The following PHF3 variants were observed in gnomAD, a reference collection of about 807,000 sequenced individuals.
The protein encoded by PHF3 is PHD finger protein 3.
A neutral mutation model predicts 178.4 loss-of-function variants in PHF3; 41 were observed. The ratio of observed to expected loss-of-function variants is 0.23; its 90% CI spans 0.18 to 0.30. The LOEUF is 0.30. PHF3 is among the 10% of genes least tolerant of loss of function. The probability of loss-of-function intolerance (pLI) is 1.00; values close to 1 mark genes in which losing one functional copy is unlikely to be tolerated. For synonymous variants in PHF3, 842 were observed against 800.5 expected, an observed-to-expected ratio of 1.05 and a Z score of -0.88; for missense variants, 2,346 against 2,398.1, an observed-to-expected ratio of 0.98 and a Z score of 0.45.
chr6:63,674,329 A>ACACGTGTGTG (rs1766072610), intron 2 of PHF3, among the ~76,000 whole-genome samples: 1 of 24,516 alleles, frequency 4.1e-5, no homozygotes, highest in South Asian at 1.1e-3. Flanking sequence ...TATGGTGTAT[A>ACACGTGTGTG]TATATACCAT....
rs769722630 is a variant in PHF3, at chr6:63,685,949, A to G, written c.2189+38A>G. On this transcript the variant is annotated intron_variant, in intron 4 of 15. Transcript: ENST00000262043. ...GTGTGTATGAGTGATGTGTACATTG[A>G]AAATAAATTGCTTTTTTGGGGGTGG... 17 of 1,457,984 alleles carry G rather than the reference A, an allele frequency of 1.2e-5. No individual in the cohort carries two copies. In the East Asian group the frequency reaches 3.9e-4, roughly 33 times the overall value. 90.3% of individuals were successfully genotyped at this position (1,457,984 alleles called of 1,614,324 possible).
rs767891329 is a variant in PHF3, at chr6:63,698,572, T to C, written c.2949T>C (p.Ser983=). The C allele has an allele frequency of 6.3e-7, 1 of 1,576,556 alleles. No homozygotes were observed. The change falls in exon 8 of 16, where the codon AGT becomes AGC. Residue 983 remains serine (S), a synonymous_variant. Coordinates refer to ENST00000262043, the MANE Select transcript of PHF3 (RefSeq NM_001370348.2). Reference sequence around the variant, plus strand: ...CTAAATATAAGAACAAATATAGAAGTTTGATGTTTAATTTGAAAGATCCTA... The same window carrying C: ...CTAAATATAAGAACAAATATAGAAGCTTGATGTTTAATTTGAAAGATCCTA... ...TDAKYKNKYR[S]LMFNLKDPKN... is the part of the protein sequence containing the mutation.
chr6:63,683,338 A>G lies in PHF3; in HGVS notation c.407-791A>G, dbSNP rs531242813. ...GAATTATTTAGCTCTCTTTCTTTTT[A>G]GCTCTTTTCATTTTGTGTTTCTCCT... On this transcript the variant is annotated intron_variant, in intron 3 of 15. Coordinates refer to ENST00000262043, the MANE Select transcript of PHF3 (RefSeq NM_001370348.2). 3.3e-5 allele frequency among the ~76,000 whole-genome samples: 5 copies of G among 152,070 alleles called. No homozygotes were observed. The South Asian group carries it at 1.0e-3, about 32-fold the overall frequency.
intron 2 of PHF3, chr6:63,678,696 C>T: frequency 6.8e-6 from 2 of 294,190 alleles, no homozygotes; most frequent in Non-Finnish European, 1.3e-5. Flanking sequence ...CCATTCTTTC[C>T]TCTCTTTAAA....
chr6:63,718,371 G>A lies in PHF3; in HGVS notation c.*4663G>A, dbSNP rs1393910810. 6.6e-6 allele frequency among the ~76,000 whole-genome samples: 1 copy of A among 151,952 alleles called. No homozygotes were observed. Among genetic ancestry groups the A allele is most frequent in the African/African-American group, 2.4e-5 (1 of 41,414 alleles). On this transcript the variant is annotated 3_prime_UTR_variant, in exon 16 of 16. Coordinates refer to ENST00000262043, the MANE Select transcript of PHF3 (RefSeq NM_001370348.2). ...CCTTACACTCTTAAAAATTGAGAAT[G>A]TCAAAGCTTTTGTTTATATGGCTTA... is the stretch of plus-strand genomic sequence containing the variant.
Position 63,691,863 on chromosome 6 carries a change from A to C in PHF3, c.2316A>C (p.Glu772Asp). Residue 772 changes from glutamate (E) to aspartate (D), a missense_variant, in exon 5 of 16, where the codon GAA (glutamate) becomes GAC (aspartate). Glu to Asp is a conservative substitution (Grantham distance 45, BLOSUM62 2). Around this residue, in one of 8 missense-constraint regions of PHF3, gnomAD observed 72 missense variants for 110.5 expected, o/e 0.65. Transcript: ENST00000262043. ...KEYVCVKCCAEEDKKTEILDP... is the reference protein window; with the variant it reads ...KEYVCVKCCADEDKKTEILDP... ...ATGTCTGTGTAAAATGTTGTGCTGAAGAAGACAAAAAGACTGAAATACTAG... is the reference window on the plus strand; with the variant it reads ...ATGTCTGTGTAAAATGTTGTGCTGACGAAGACAAAAAGACTGAAATACTAG... 3 of 1,613,856 alleles carry C rather than the reference A, an allele frequency of 1.9e-6. No homozygotes were observed. Among genetic ancestry groups the C allele is most frequent in the Non-Finnish European group, 2.5e-6 (3 of 1,179,926 alleles).
intron 5 of PHF3, 104 bp downstream of exon 5, chr6:63,692,147 AC>A (rs1767035711): frequency 1.2e-6 from 1 of 857,038 alleles, no homozygotes; most frequent in Non-Finnish European, 1.7e-6. Flanking sequence ...ATGTTCTTTT[AC>A]ATTTTCAAAT....
Position 63,646,705 on chromosome 6 carries a change from A to G in PHF3, c.154A>G (p.Lys52Glu). The change falls in exon 2 of 16, where the codon AAG becomes GAG. Residue 52 changes from lysine (K) to glutamate (E), a missense_variant. Physicochemically the swap from Lys to Glu is moderately conservative, Grantham distance 56 (BLOSUM62 1). Around this residue, in one of 8 missense-constraint regions of PHF3, gnomAD observed 843 missense variants for 795.2 expected, o/e 1.06. Coordinates refer to ENST00000262043, the MANE Select transcript of PHF3 (RefSeq NM_001370348.2). ...CTCGCTGAAGAACATGCTCAGCGAT[A>G]AGGATCCTATGCTAGGATCTGCAAG... ...EDSLKNMLSD[K>E]DPMLGSASNQ... The G allele has an allele frequency of 6.2e-7, 1 of 1,613,338 alleles. No individual in the cohort carries two copies. The highest frequency in any genetic ancestry group is 1.1e-5 in the South Asian group (1 of 91,048).
At position 63,720,769 on chromosome 6, in the gene PHF3, C is replaced by T. The variant is rs1212005652; in HGVS notation, c.*7061C>T. 2 of 1,550,636 alleles carry T rather than the reference C, an allele frequency of 1.3e-6. No individual in the cohort carries two copies. The highest frequency in any genetic ancestry group is 2.7e-5 in the African/African-American group (2 of 72,976). Reference sequence around the variant, plus strand: ...ACCTTTCTACCATATTCAAAGCCCCCTAGATAACAAATGCCATCATAGTTT... The same window carrying T: ...ACCTTTCTACCATATTCAAAGCCCCTTAGATAACAAATGCCATCATAGTTT... On this transcript the variant is annotated 3_prime_UTR_variant, in exon 16 of 16. Coordinates refer to ENST00000262043, the MANE Select transcript of PHF3 (RefSeq NM_001370348.2).
intron 6 of PHF3, among the ~76,000 whole-genome samples, chr6:63,696,151 A>G (rs1032883134): frequency 6.6e-6 from 1 of 152,208 alleles, no homozygotes; most frequent in African/African-American, 2.4e-5. Context: ...GTACAATGCA[A>G]ATATTCCAAG....
chr6:63,692,701 TTTTGG>T (rs1158255741), intron 5 of PHF3, among the ~76,000 whole-genome samples: 1 of 152,216 alleles, frequency 6.6e-6, no homozygotes, highest in Non-Finnish European at 1.5e-5. Flanking sequence ...TTTAGAAATC[TTTTGG>T]TCCAATCATT....
At chr6:63,699,387 C>A (rs1375042285) in intron 8 of PHF3, among the ~76,000 whole-genome samples, 2 of 152,098 alleles carry the variant, frequency 1.3e-5, no homozygotes, top group African/African-American at 2.4e-5. Flanking sequence ...AACCTTTTTG[C>A]ATAAAAGGTT....
At chr6:63,682,521 G>T (rs1766484167) in intron 3 of PHF3, among the ~76,000 whole-genome samples, 1 of 152,024 alleles carries the variant, frequency 6.6e-6, no homozygotes, top group African/African-American at 2.4e-5. Flanking sequence ...CTTCAGTAGG[G>T]TTTTGAGAAG....
At chr6:63,689,693 T>A (rs1173578431) in intron 4 of PHF3, among the ~76,000 whole-genome samples, 1 of 152,200 alleles carries the variant, frequency 6.6e-6, no homozygotes, top group Non-Finnish European at 1.5e-5. Context: ...GAAATGAGGC[T>A]TATTGAAAGA....
rs559337552 is a variant in PHF3, at chr6:63,722,530, A to G, written c.*8822A>G. ...CATCTGAAGTTGCAATGAGGCATTC[A>G]GAAGAAAAGTAAAGGCAATTCTGCA... is the stretch of plus-strand genomic sequence containing the variant. On this transcript the variant is annotated 3_prime_UTR_variant, in exon 16 of 16. Transcript: ENST00000262043. Among the ~76,000 whole-genome samples the G allele has an allele frequency of 2.6e-5, 4 of 152,348 alleles. No individual in the cohort carries two copies. The highest frequency in any genetic ancestry group is 2.6e-4 in the Admixed American group (4 of 15,290).
At position 63,716,712 on chromosome 6, in the gene PHF3, C is replaced by T. The variant is rs1477525545; in HGVS notation, c.*3004C>T. On this transcript the variant is annotated 3_prime_UTR_variant, in exon 16 of 16. Coordinates refer to ENST00000262043, the MANE Select transcript of PHF3 (RefSeq NM_001370348.2). ...GCCTTGGTTTCTAGCTTCTAGAGGG[C>T]ACCCAATTTCCTTGGCTCATGATCC... Among the ~76,000 whole-genome samples, 2 of 151,856 alleles carry T rather than the reference C, an allele frequency of 1.3e-5. No homozygotes were observed. Among genetic ancestry groups the T allele is most frequent in the Admixed American group, 1.3e-4 (2 of 15,188 alleles).
At position 63,694,658 on chromosome 6, in the gene PHF3, G is replaced by A. The variant is rs938454532; in HGVS notation, c.2574G>A (p.Lys858=). The part of the protein sequence containing the change: ...IKKWQLAPLR[K]MGQPVLPRRS... ...AATGGCAGCTAGCTCCTCTTCGTAA[G>A]ATGGGACAACCAGTTTTACCTCGGA... The change falls in exon 6 of 16, where the codon AAG becomes AAA. Residue 858 remains lysine, a synonymous_variant. Transcript: ENST00000262043. 1 of 1,597,638 alleles carries A rather than the reference G, an allele frequency of 6.3e-7. No homozygotes were observed. Among genetic ancestry groups the A allele is most frequent in the Non-Finnish European group, 8.5e-7 (1 of 1,171,078 alleles).
chr6:63,661,848 T>C (rs1478521424), intron 2 of PHF3, among the ~76,000 whole-genome samples: 1 of 152,172 alleles, frequency 6.6e-6, no homozygotes, highest in African/African-American at 2.4e-5. Flanking sequence ...TAGGCTCTGA[T>C]AGGAGTGTTT....
chr6:63,653,057 T>A (rs1294799670), intron 2 of PHF3, among the ~76,000 whole-genome samples: 5 of 150,560 alleles, frequency 3.3e-5, no homozygotes, highest in African/African-American at 4.9e-5. Flanking sequence ...TTTTTTTTTG[T>A]GTGTGTGGTT....
Sources: allele counts gnomAD v4.1 joint callset (sites outside exome capture counted in the v4.1 genomes callset), GRCh38; gene constraint gnomAD v4.1.1; regional missense constraint gnomAD v4.1.1; transcripts MANE v1.5; gene names NCBI Gene and HGNC (gene_info 2026-07-23, HGNC 2026-07-21).